The following IL12B variants were observed in gnomAD, a reference collection of about 807,000 sequenced individuals.
IL12B encodes the protein interleukin-12 subunit beta.
Under a neutral mutation model 39.2 loss-of-function variants are expected in IL12B, and 27 were observed. The ratio of observed to expected loss-of-function variants is 0.69; its 90% confidence interval spans 0.51 to 0.95. IL12B has a LOEUF of 0.95. IL12B is among the 40% of genes least tolerant of loss of function. IL12B has a pLI of 0.00. For missense variants in IL12B, 351 were observed against 397.6 expected, an observed-to-expected ratio of 0.88 and a Z score of 1.00; for synonymous variants, 142 against 152.1, an observed-to-expected ratio of 0.93 and a Z score of 0.49.
chr5:159,316,008 G>T lies in IL12B; in HGVS notation c.*93C>A, dbSNP rs1014344845. ...AAAACGTTTTAAAGCAAATCAGATA[G>T]AAATTATCTTTTTGGGTCTATTCCG... On this transcript the variant is annotated 3_prime_UTR_variant, in exon 8 of 8. Transcript: ENST00000231228. 2 of 152,516 alleles carry T rather than the reference G, an allele frequency of 1.3e-5. No individual in the cohort carries two copies. Among genetic ancestry groups the T allele is most frequent in the Non-Finnish European group, 2.9e-5 (2 of 68,204 alleles). The allele number at this position is 152,516 out of a possible 1,614,324, so 9.4% of individuals were successfully genotyped here.
rs762130179 is a variant in IL12B at position 159,315,473 on chromosome 5, G to A, written c.*628C>T. 1 of 152,292 alleles carries A rather than the reference G, an allele frequency of 6.6e-6. No individual in the cohort carries two copies. The highest frequency in any genetic ancestry group is 1.5e-5 in the Non-Finnish European group (1 of 68,028). 9.4% of individuals were successfully genotyped at this position (152,292 alleles called of 1,614,324 possible). On this transcript the variant is annotated 3_prime_UTR_variant, in exon 8 of 8. Coordinates refer to ENST00000231228, the MANE Select transcript of IL12B (RefSeq NM_002187.3). ...CCAAAGATTAAACTTGCTTAGAAGTGTAAGTGGCCCTAAATTGCTTTATCA... is the reference window on the plus strand; with the variant it reads ...CCAAAGATTAAACTTGCTTAGAAGTATAAGTGGCCCTAAATTGCTTTATCA...
chr5:159,322,852 A>G (rs1329173557), intron 3 of IL12B, among the ~76,000 whole-genome samples: 1 of 152,224 alleles, frequency 6.6e-6, no homozygotes, highest in South Asian at 2.1e-4. Flanking sequence ...AACTCCCTTA[A>G]TATGAGATTT....
chr5:159,322,407 T>C lies in IL12B; in HGVS notation c.469A>G (p.Lys157Glu), dbSNP rs1562113113. ...AGTTTCACTCACCCTCTGCTGCTTT[T>C]GACACTGAATGTCAAATCAGTACTG... is the stretch of plus-strand genomic sequence containing the variant. ...TISTDLTFSV[K>E]SSRGSSDPQG... The change falls in exon 4 of 8, where the codon AAA becomes GAA. Residue 157 changes from lysine to glutamate, a missense_variant. Coordinates refer to ENST00000231228, the MANE Select transcript of IL12B (RefSeq NM_002187.3). The C allele has an allele frequency of 6.2e-7, 1 of 1,605,542 alleles. No individual in the cohort carries two copies. Among genetic ancestry groups the C allele is most frequent in the Non-Finnish European group, 8.5e-7 (1 of 1,172,132 alleles).
At chr5:159,326,813 G>T in intron 1 of IL12B, 31 bp from the exon 2 acceptor site, 2 of 1,323,398 alleles carry the variant, frequency 1.5e-6, no homozygotes, top group Non-Finnish European at 2.2e-6. Context: ...AGGGGGAAGA[G>T]AAGGAGGAAA....
intron 3 of IL12B, 29 bp from the exon 4 acceptor site, chr5:159,322,540 A>G: frequency 7.0e-7 from 1 of 1,433,530 alleles, no homozygotes; most frequent in Non-Finnish European, 9.8e-7. Context: ...AAAATTCAAT[A>G]TTTAGGAGTT....
intron 1 of IL12B, among the ~76,000 whole-genome samples, chr5:159,329,811 C>A (rs910907144): frequency 1.3e-5 from 2 of 152,068 alleles, no homozygotes; most frequent in Non-Finnish European, 2.9e-5. Context: ...AGTAAAAAAA[C>A]CTTTTTTTCC....
At chr5:159,321,511 C>T (rs1754093841) in intron 4 of IL12B, among the ~76,000 whole-genome samples, 1 of 151,908 alleles carries the variant, frequency 6.6e-6, no homozygotes, top group Admixed American at 6.5e-5. Flanking sequence ...AAATTGTATA[C>T]ATATGATTAT....
chr5:159,321,857 C>G (rs1754099220), intron 4 of IL12B, among the ~76,000 whole-genome samples: 2 of 152,104 alleles, frequency 1.3e-5, no homozygotes, highest in African/African-American at 4.8e-5. Context: ...ATGGAAGTTG[C>G]TTTCTTACGG....
intron 4 of IL12B, 78 bp from the exon 5 acceptor site, chr5:159,320,598 T>A: frequency 8.2e-7 from 1 of 1,216,788 alleles, no homozygotes; most frequent in Non-Finnish European, 1.2e-6. Context: ...GTAAGGCAGG[T>A]AAGGCCTCAA....
chr5:159,318,899 G>A lies in IL12B; in HGVS notation c.698-6C>T. 1 of 1,613,178 alleles carries A rather than the reference G, an allele frequency of 6.2e-7. No individual in the cohort carries two copies. Among genetic ancestry groups the A allele is most frequent in the Non-Finnish European group, 8.5e-7 (1 of 1,179,376 alleles). On this transcript the variant is annotated splice_region_variant and splice_polypyrimidine_tract_variant and intron_variant, in intron 5 of 7. Transcript: ENST00000231228. ...CTTGGGTGGGTCAGGTTTGACTGTGGAAGAGGATAAACATGCTTTATTTTC... is the reference window on the plus strand; with the variant it reads ...CTTGGGTGGGTCAGGTTTGACTGTGAAAGAGGATAAACATGCTTTATTTTC...
chr5:159,323,328 A>T lies in IL12B; in HGVS notation c.90T>A (p.Val30=). 1 of 1,613,768 alleles carries T rather than the reference A, an allele frequency of 6.2e-7. No homozygotes were observed. Among genetic ancestry groups the T allele is most frequent in the Non-Finnish European group, 8.5e-7 (1 of 1,179,936 alleles). The part of the protein sequence containing the change: ...LVAIWELKKD[V]YVVELDWYPD... Reference sequence around the variant, plus strand: ...GATACCAATCCAATTCTACGACATAAACTGGAATGCACATAAAGTGGAGAA... The same window carrying T: ...GATACCAATCCAATTCTACGACATATACTGGAATGCACATAAAGTGGAGAA... Residue 30 remains valine (V), a splice_region_variant and synonymous_variant, in exon 3 of 8, where the codon GTT becomes GTA. Coordinates refer to ENST00000231228, the MANE Select transcript of IL12B (RefSeq NM_002187.3).
intron 2 of IL12B, among the ~76,000 whole-genome samples, chr5:159,323,894 G>T (rs1362511442): frequency 8.0e-6 from 1 of 125,326 alleles, no homozygotes; most frequent in Non-Finnish European, 1.6e-5. Context: ...TTTGACTGAG[G>T]ATTAAATGAA....
intron 2 of IL12B, among the ~76,000 whole-genome samples, chr5:159,326,206 C>A (rs1007557326): frequency 2.0e-5 from 3 of 152,156 alleles, no homozygotes; most frequent in African/African-American, 4.8e-5. Context: ...AGTCACATAA[C>A]CAGTCATTGA....
In IL12B at chr5:159,316,905, A is replaced by G. The variant is rs913646189; in HGVS notation, c.856-89T>C. On this transcript the variant is annotated intron_variant, in intron 6 of 7. Coordinates refer to ENST00000231228, the MANE Select transcript of IL12B (RefSeq NM_002187.3). Reference sequence around the variant, plus strand: ...TGTTTCTGCAATGCATACTCTCCCAAAACAAGCCCATCTTGGTCTTAGGGC... The same window carrying G: ...TGTTTCTGCAATGCATACTCTCCCAGAACAAGCCCATCTTGGTCTTAGGGC... 10 of 1,455,776 alleles carry G rather than the reference A, an allele frequency of 6.9e-6. No individual in the cohort carries two copies. The African/African-American group carries it at 1.3e-4, about 18-fold the overall frequency. 90.2% of individuals were successfully genotyped at this position (1,455,776 alleles called of 1,614,324 possible). A position where few individuals can be genotyped will look rare whatever the true frequency, so the allele number is the denominator to read the frequency against.
At chr5:159,328,564 C>T (rs1162679893) in intron 1 of IL12B, among the ~76,000 whole-genome samples, 1 of 152,192 alleles carries the variant, frequency 6.6e-6, no homozygotes, top group Non-Finnish European at 1.5e-5. Context: ...AATTCGGTAT[C>T]TGTGTTTTAT....
intron 1 of IL12B, among the ~76,000 whole-genome samples, chr5:159,328,900 G>A (rs1198253729): frequency 6.6e-6 from 1 of 152,184 alleles, no homozygotes; most frequent in Non-Finnish European, 1.5e-5. Context: ...AGAGGTGATG[G>A]TGGTGGGTCT....
In IL12B at chr5:159,323,300, C is replaced by A; in HGVS notation, c.118G>T (p.Asp40Tyr). ...AGGACCACCATTTCTCCAGGGGCAT[C>A]CGGATACCAATCCAATTCTACGACA... ...VYVVELDWYP[D>Y]APGEMVVLTC... is the part of the protein sequence containing the mutation. Residue 40 changes from aspartate to tyrosine, a missense_variant, in exon 3 of 8, where the codon GAT becomes TAT. Transcript: ENST00000231228. 1 of 1,614,114 alleles carries A rather than the reference C, an allele frequency of 6.2e-7. No individual in the cohort carries two copies. Among genetic ancestry groups the A allele is most frequent in the Middle Eastern group, 1.7e-4 (1 of 6,060 alleles).
intron 2 of IL12B, among the ~76,000 whole-genome samples, chr5:159,325,300 C>T (rs1375003610): frequency 1.3e-5 from 2 of 152,190 alleles, no homozygotes; most frequent in Non-Finnish European, 2.9e-5. Context: ...CTGCCATATA[C>T]CCCTGGCTCA....
At chr5:159,328,416 C>CTGAGCCTCAGTCTCTTTGTCTATAAAA (rs1319195627) in intron 1 of IL12B, among the ~76,000 whole-genome samples, 2 of 152,202 alleles carry the variant, frequency 1.3e-5, no homozygotes, top group African/African-American at 4.8e-5. Context: ...AAGTTACTCG[C>CTGAGCCTCAGTCTCTTTGTCTATAAAA]TGAGCCTCAG....
Sources: gnomAD v4.1 joint callset for allele counts (sites outside exome capture counted in the v4.1 genomes callset) on GRCh38, gnomAD v4.1.1 for gene constraint, MANE v1.5 for transcripts, NCBI Gene and HGNC (gene_info 2026-07-23, HGNC 2026-07-21) for gene names.